NBEA: variants seen among roughly 807,000 people sequenced by gnomAD.
NBEA encodes the protein lysosomal-trafficking regulator 2.
NBEA carries 44 observed loss-of-function variants against 343.4 expected under a neutral mutation model. The observed-to-expected ratio is 0.13, with a 90% CI of 0.10 to 0.16. The LOEUF (loss-of-function observed/expected upper bound fraction) is 0.16, where lower values mean the gene tolerates loss of function less well. Among genes scored for constraint, NBEA ranks in the 10% least tolerant of loss-of-function variants. The pLI, the probability that NBEA is intolerant of heterozygous loss-of-function variation, is 1.00. For missense variants in NBEA, 2,555 were observed against 3,631.3 expected (o/e 0.70, Z 7.62); for synonymous variants, 1,175 against 1,238.7 (o/e 0.95, Z 1.08).
intron 58 of NBEA, among the ~76,000 whole-genome samples, chr13:35,670,287 G>A (rs1460514166): frequency 6.6e-6 from 1 of 152,084 alleles, no homozygotes; most frequent in Admixed American, 6.5e-5. Context: ...GAGAGGGAGA[G>A]GAGACAAGGT....
intron 48 of NBEA, among the ~76,000 whole-genome samples, chr13:35,615,190 G>A (rs1488643078): frequency 6.7e-6 from 1 of 149,390 alleles, no homozygotes; most frequent in African/African-American, 2.5e-5. Context: ...CCAGTTACTC[G>A]GGAGGCTGAG....
intron 2 of NBEA, among the ~76,000 whole-genome samples, chr13:35,043,987 TA>T (rs1454360166): frequency 2.0e-5 from 3 of 152,098 alleles, no homozygotes; most frequent in Admixed American, 2.0e-4. Flanking sequence ...AAACGAAGTA[TA>T]AATGTTTAGA....
intron 1 of NBEA, among the ~76,000 whole-genome samples, chr13:35,008,366 C>T (rs1006504968): frequency 6.6e-6 from 1 of 152,138 alleles, no homozygotes; most frequent in Admixed American, 6.6e-5. Context: ...TACATATAAC[C>T]TATGCATATC....
intron 1 of NBEA, 144 bp downstream of exon 1, chr13:34,943,258 CG>C: frequency 3.6e-6 from 4 of 1,114,440 alleles, no homozygotes; most frequent in Non-Finnish European, 5.1e-6. Flanking sequence ...TATTGCCCAG[CG>C]GGTGACCTGC....
chr13:35,476,814 T>A, intron 41 of NBEA: 1 of 1,025,846 alleles, frequency 9.7e-7, no homozygotes, highest in Non-Finnish European at 1.2e-6. Flanking sequence ...TCCCCACTCA[T>A]GGATATAGGC....
intron 34 of NBEA, among the ~76,000 whole-genome samples, chr13:35,242,444 T>C (rs749112983): frequency 1.1e-4 from 17 of 151,802 alleles, no homozygotes; most frequent in South Asian, 2.1e-4. Context: ...ATAGGTATTA[T>C]GGTAGTTGCA....
chr13:35,089,778 G>A (rs2064978233), intron 10 of NBEA, among the ~76,000 whole-genome samples: 1 of 149,608 alleles, frequency 6.7e-6, no homozygotes, highest in Admixed American at 6.7e-5. Flanking sequence ...GATGAAATTG[G>A]AGATCATCAT....
At chr13:35,089,635 C>T (rs2064969123) in intron 10 of NBEA, among the ~76,000 whole-genome samples, 2 of 126,346 alleles carry the variant, frequency 1.6e-5, no homozygotes, top group Non-Finnish European at 3.3e-5. Flanking sequence ...GCATTATTCA[C>T]AATAGCAAAG....
At chr13:34,964,775 A>G (rs542986947) in intron 1 of NBEA, among the ~76,000 whole-genome samples, 13 of 152,080 alleles carry the variant, frequency 8.5e-5, no homozygotes, top group South Asian at 2.1e-4. Context: ...AACGTTATCT[A>G]TGTCTCTGGG....
At chr13:35,554,364 A>G (rs1271621941) in intron 43 of NBEA, among the ~76,000 whole-genome samples, 2 of 152,228 alleles carry the variant, frequency 1.3e-5, no homozygotes, top group African/African-American at 2.4e-5. Context: ...TGTTATTTTT[A>G]GATGAACACA....
chr13:34,944,413 G>GT (rs2059126942), intron 1 of NBEA, among the ~76,000 whole-genome samples: 1 of 152,154 alleles, frequency 6.6e-6, no homozygotes, highest in Admixed American at 6.5e-5. Context: ...AGTTGAAGCT[G>GT]TTTTTTTCCT....
intron 36 of NBEA, among the ~76,000 whole-genome samples, chr13:35,319,208 C>A (rs1382432245): frequency 6.6e-6 from 1 of 152,164 alleles, no homozygotes; most frequent in Non-Finnish European, 1.5e-5. Flanking sequence ...GATTTTAGAT[C>A]TTTCCCGCTT....
At chr13:35,024,510 G>A (rs1195002034) in intron 1 of NBEA, among the ~76,000 whole-genome samples, 2 of 147,336 alleles carry the variant, frequency 1.4e-5, no homozygotes, top group Non-Finnish European at 3.0e-5. Context: ...TGTCTCCACT[G>A]AAAAAAAAAC....
intron 36 of NBEA, among the ~76,000 whole-genome samples, chr13:35,318,279 A>G (rs998012848): frequency 2.6e-5 from 4 of 152,296 alleles, no homozygotes; most frequent in Middle Eastern, 3.4e-3. Context: ...CATTCCATCA[A>G]TACCTAGTTT....
chr13:35,552,060 C>T (rs994824882), intron 43 of NBEA, among the ~76,000 whole-genome samples: 4 of 152,104 alleles, frequency 2.6e-5, no homozygotes, highest in African/African-American at 9.7e-5. Flanking sequence ...AGAGGATTTC[C>T]GTTGATGAAG....
intron 16 of NBEA, among the ~76,000 whole-genome samples, chr13:35,120,130 AC>A (rs1211363825): frequency 2.0e-5 from 3 of 152,230 alleles, no homozygotes; most frequent in Admixed American, 1.3e-4. Context: ...TGTAGAAGAT[AC>A]CAAACTTAGA....
intron 34 of NBEA, among the ~76,000 whole-genome samples, chr13:35,249,719 C>T (rs970266692): frequency 6.6e-6 from 1 of 152,134 alleles, no homozygotes; most frequent in Non-Finnish European, 1.5e-5. Context: ...AATTCCAGTT[C>T]TGGGTTTATA....
At chr13:35,300,776 C>T (rs921952456) in intron 35 of NBEA, among the ~76,000 whole-genome samples, 4 of 152,116 alleles carry the variant, frequency 2.6e-5, no homozygotes, top group African/African-American at 7.2e-5. Context: ...AAAAATTCAT[C>T]GGTAGCTTAG....
At chr13:35,264,589 CAACAT>C (rs2033500446) in intron 34 of NBEA, among the ~76,000 whole-genome samples, 1 of 110,712 alleles carries the variant, frequency 9.0e-6, no homozygotes, top group South Asian at 4.0e-4. Flanking sequence ...AGGGATAGTT[CAACAT>C]ACATTAATCA....
Sources: allele counts gnomAD v4.1 joint callset (sites outside exome capture counted in the v4.1 genomes callset), GRCh38; gene constraint gnomAD v4.1.1; transcripts MANE v1.5; gene names NCBI Gene and HGNC (gene_info 2026-07-23, HGNC 2026-07-21).